IL1RAPL2: variants seen among roughly 807,000 people sequenced by gnomAD.
IL1RAPL2 encodes the protein interleukin 1 receptor accessory protein like 2, also known as X-linked interleukin-1 receptor accessory protein-like 2.
A neutral mutation model predicts 44.1 loss-of-function variants in IL1RAPL2; 3 were observed. The ratio of observed to expected loss-of-function variants is 0.07; its 90% CI spans 0.03 to 0.18. IL1RAPL2 has a LOEUF of 0.18. Ranked by LOEUF, IL1RAPL2 falls within the 10% of genes least tolerant of loss-of-function variation. The probability of loss-of-function intolerance (pLI) is 1.00; values close to 1 mark genes in which losing one functional copy is unlikely to be tolerated. For synonymous variants in IL1RAPL2, 181 were observed against 178.8 expected, an observed-to-expected ratio of 1.01 and a Z score of -0.10; for missense variants, 391 against 496.4, an observed-to-expected ratio of 0.79 and a Z score of 2.02.
intron 6 of IL1RAPL2, among the ~76,000 whole-genome samples, chrX:105,658,379 A>G (rs1180415897): frequency 8.9e-6 from 1 of 112,470 alleles, no homozygotes; most frequent in Admixed American, 9.4e-5. Context: ...AGATATGACT[A>G]TAGTTACAAA....
chrX:105,591,478 T>G lies in IL1RAPL2; in HGVS notation c.772+107091T>G, dbSNP rs72618305. 4.9e-3 allele frequency among the ~76,000 whole-genome samples: 547 copies of G among 110,950 alleles called. 7 individuals are homozygous for G. The South Asian group carries it at 0.077, about 16-fold the overall frequency. On this transcript the variant is annotated intron_variant, in intron 6 of 10. Coordinates refer to ENST00000372582, the MANE Select transcript of IL1RAPL2 (RefSeq NM_017416.2). ...TGCTAGCTGTGGGGTTGGTTTCCTC[T>G]TGTTTCTCTATTTCCTGCTGGTGTG...
chrX:104,947,058 C>T (rs1228578291), intron 2 of IL1RAPL2, among the ~76,000 whole-genome samples: 1 of 109,241 alleles, frequency 9.2e-6, no homozygotes, highest in Non-Finnish European at 1.9e-5. Flanking sequence ...CCTATTTCTC[C>T]ACATCCTCTC....
intron 2 of IL1RAPL2, among the ~76,000 whole-genome samples, chrX:104,732,120 G>T (rs934509761): frequency 8.9e-6 from 1 of 112,046 alleles, no homozygotes; most frequent in Non-Finnish European, 1.9e-5. Context: ...GAATAATGAT[G>T]ACACAGCATA....
rs184179732 is a variant in IL1RAPL2, at chrX:104,693,382, G to T, written c.82+34387G>T. Among the ~76,000 whole-genome samples, 34 of 111,528 alleles carry T rather than the reference G, an allele frequency of 3.0e-4. No homozygotes were observed. The Admixed American group carries it at 3.1e-3, about 10-fold the overall frequency. On this transcript the variant is annotated intron_variant, in intron 2 of 10. Coordinates refer to ENST00000372582, the MANE Select transcript of IL1RAPL2 (RefSeq NM_017416.2). ...ATCCATATCAGCTTTGTTTTTCAAG[G>T]ATCCACTTGAGGGACCAATAGGTTT...
chrX:105,609,020 A>G (rs1416500216), intron 6 of IL1RAPL2, among the ~76,000 whole-genome samples: 1 of 111,489 alleles, frequency 9.0e-6, no homozygotes. Flanking sequence ...CCCCTGAAAC[A>G]TGGGAGAATT....
At chrX:105,247,994 G>A (rs908087018) in intron 4 of IL1RAPL2, among the ~76,000 whole-genome samples, 11 of 110,831 alleles carry the variant, frequency 9.9e-5, no homozygotes, top group African/African-American at 3.3e-4. Flanking sequence ...ACACACAACC[G>A]TATGAGAAAC....
intron 2 of IL1RAPL2, among the ~76,000 whole-genome samples, chrX:105,155,277 C>T (rs746539670): frequency 4.5e-5 from 5 of 110,908 alleles, no homozygotes; most frequent in Non-Finnish European, 3.8e-5. Context: ...AGTTTGAAGT[C>T]AGAGGAGCAA....
chrX:105,119,092 G>A (rs1053540425), intron 2 of IL1RAPL2, among the ~76,000 whole-genome samples: 2 of 111,327 alleles, frequency 1.8e-5, no homozygotes, highest in South Asian at 3.8e-4. Flanking sequence ...TTAGTTACAA[G>A]CTCCATCATA....
intron 2 of IL1RAPL2, among the ~76,000 whole-genome samples, chrX:104,851,239 A>C (rs1264254998): frequency 8.9e-6 from 1 of 112,075 alleles, no homozygotes; most frequent in Non-Finnish European, 1.9e-5. Flanking sequence ...AACCAAACCA[A>C]AATGACACCA....
In IL1RAPL2 at chrX:105,599,552, A is replaced by C. The variant is rs181132940; in HGVS notation, c.772+115165A>C. On this transcript the variant is annotated intron_variant, in intron 6 of 10. Coordinates refer to ENST00000372582, the MANE Select transcript of IL1RAPL2 (RefSeq NM_017416.2). Reference sequence around the variant, plus strand: ...TGTGTGGAATATTAACCTTGGGTGCACAATATAGGAGGCACCAAAGAACTT... The same window carrying C: ...TGTGTGGAATATTAACCTTGGGTGCCCAATATAGGAGGCACCAAAGAACTT... 4.9e-3 allele frequency among the ~76,000 whole-genome samples: 547 copies of C among 111,510 alleles called. 8 individuals carry two copies. The highest frequency in any genetic ancestry group is 0.017 in the African/African-American group (520 of 30,744).
rs1023692786 is a variant in IL1RAPL2 at position 105,084,031 on chromosome X, C to G, written c.83-111444C>G. On this transcript the variant is annotated intron_variant, in intron 2 of 10. Coordinates refer to ENST00000372582, the MANE Select transcript of IL1RAPL2 (RefSeq NM_017416.2). ...CCACATGGTGTTGGGCCTGCGGGAG[C>G]ACAGAAGTCAAGAACTGACATTTAG... Among the ~76,000 whole-genome samples, 41 of 112,455 alleles carry G rather than the reference C, an allele frequency of 3.6e-4. 1 individual carries two copies. Among genetic ancestry groups the G allele is most frequent in the Admixed American group, 3.4e-3 (36 of 10,649 alleles).
chrX:104,890,825 G>A (rs1192493093), intron 2 of IL1RAPL2, among the ~76,000 whole-genome samples: 2 of 111,728 alleles, frequency 1.8e-5, no homozygotes, highest in East Asian at 5.6e-4. Flanking sequence ...TGTCAATTTT[G>A]TCTTTTGTTG....
At chrX:104,769,218 G>A (rs983346513) in intron 2 of IL1RAPL2, among the ~76,000 whole-genome samples, 3 of 111,569 alleles carry the variant, frequency 2.7e-5, no homozygotes, top group Non-Finnish European at 5.7e-5. Flanking sequence ...TCAACATAGC[G>A]TCTTGTACAT....
chrX:104,679,584 A>T (rs1055310518), intron 2 of IL1RAPL2, among the ~76,000 whole-genome samples: 3 of 111,380 alleles, frequency 2.7e-5, no homozygotes, highest in Non-Finnish European at 5.7e-5. Flanking sequence ...GAATTTTATG[A>T]TGGGGATTGT....
chrX:105,215,959 T>A lies in IL1RAPL2; in HGVS notation c.357-17859T>A, dbSNP rs1227222257. Among the ~76,000 whole-genome samples the A allele has an allele frequency of 2.7e-5, 3 of 111,517 alleles. No homozygotes were observed. In the East Asian group the frequency reaches 8.4e-4, roughly 31 times the overall value. On this transcript the variant is annotated intron_variant, in intron 3 of 10. Transcript: ENST00000372582. Reference sequence around the variant, plus strand: ...ATAAACTAGGTGGTGATGGAACATATCTCAAAATAATAAGAGCTATTTATG... The same window carrying A: ...ATAAACTAGGTGGTGATGGAACATAACTCAAAATAATAAGAGCTATTTATG...
chrX:105,311,841 T>G (rs1313774278), intron 5 of IL1RAPL2, among the ~76,000 whole-genome samples: 1 of 111,284 alleles, frequency 9.0e-6, no homozygotes, highest in Non-Finnish European at 1.9e-5. Context: ...ACTAATAAAC[T>G]TAGGTGAAAA....
chrX:105,740,465 G>T, intron 7 of IL1RAPL2, 81 bp from the exon 8 acceptor site: 1 of 1,003,568 alleles, frequency 1.0e-6, no homozygotes, highest in Non-Finnish European at 1.4e-6. Context: ...TGTGTGAGCT[G>T]TGTGACCATC....
At chrX:104,899,868 C>A (rs924466158) in intron 2 of IL1RAPL2, among the ~76,000 whole-genome samples, 3 of 111,829 alleles carry the variant, frequency 2.7e-5, no homozygotes, top group African/African-American at 9.8e-5. Flanking sequence ...TCTATGTGCT[C>A]GTAGCACTTA....
intron 1 of IL1RAPL2, among the ~76,000 whole-genome samples, chrX:104,658,503 A>G (rs1930319269): frequency 8.9e-6 from 1 of 112,404 alleles, no homozygotes; most frequent in African/African-American, 3.2e-5. Flanking sequence ...ATTAGGAGAA[A>G]AAACTTCTAT....
Sources: allele counts gnomAD v4.1 joint callset (sites outside exome capture counted in the v4.1 genomes callset), GRCh38; gene constraint gnomAD v4.1.1; transcripts MANE v1.5; gene names NCBI Gene and HGNC (gene_info 2026-07-23, HGNC 2026-07-21).